Variants in RIMBP2 observed in about 807,000 individuals in gnomAD.
RIMBP2 encodes the protein RIMS-binding protein 2.
RIMBP2 carries 48 observed loss-of-function variants against 118.6 expected under a neutral mutation model. That is an observed-to-expected ratio of 0.40 (90% CI 0.32 to 0.51). RIMBP2 has a LOEUF of 0.51. Among genes scored for constraint, RIMBP2 ranks in the 20% least tolerant of loss-of-function variants. The probability of loss-of-function intolerance (pLI) is 0.41; values close to 1 mark genes in which losing one functional copy is unlikely to be tolerated. For missense variants in RIMBP2, 1,551 were observed against 1,768.3 expected, an observed-to-expected ratio of 0.88 and a Z score of 2.20; for synonymous variants, 762 against 742.9, an observed-to-expected ratio of 1.03 and a Z score of -0.42.
intron 4 of RIMBP2, among the ~76,000 whole-genome samples, chr12:130,496,649 AGCT>A (rs67687210): frequency 0.08 from 12,207 of 152,094 alleles, 692 homozygotes; most frequent in East Asian, 0.2. Flanking sequence ...GGCCCCCAGC[AGCT>A]ATGGCGCTGG....
chr12:130,636,969 G>A (rs989213693), intron 1 of RIMBP2, among the ~76,000 whole-genome samples: 2 of 152,128 alleles, frequency 1.3e-5, no homozygotes, highest in Admixed American at 6.5e-5. Context: ...GTGTCTTGTC[G>A]CCTTGTTCTG....
Position 130,468,027 on chromosome 12 carries a change from T to C in RIMBP2, c.153+2666A>G, listed in dbSNP as rs754283722. On this transcript the variant is annotated intron_variant, in intron 6 of 22. Coordinates refer to ENST00000690449, the MANE Select transcript of RIMBP2 (RefSeq NM_001393629.1). ...CATGGAAGCAGGCTGCCCAGTGGAA[T>C]GTTCTGTCTACAGAAAGTCACGAAT... Among the ~76,000 whole-genome samples, 11 of 152,316 alleles carry C rather than the reference T, an allele frequency of 7.2e-5. No individual in the cohort carries two copies. The South Asian group carries it at 1.2e-3, about 17-fold the overall frequency.
intron 2 of RIMBP2, among the ~76,000 whole-genome samples, chr12:130,612,076 G>A (rs1388755196): frequency 6.6e-6 from 1 of 152,186 alleles, no homozygotes; most frequent in Non-Finnish European, 1.5e-5. Context: ...GTCTTCCAGA[G>A]ACAGTGTGCC....
At chr12:130,714,477 G>A (rs1204520489) in intron 1 of RIMBP2, among the ~76,000 whole-genome samples, 5 of 152,170 alleles carry the variant, frequency 3.3e-5, no homozygotes, top group African/African-American at 9.7e-5. Context: ...TGCCTCCTGC[G>A]TGGGGGGCGG....
intron 3 of RIMBP2, among the ~76,000 whole-genome samples, chr12:130,514,072 C>G: frequency 6.6e-6 from 1 of 152,222 alleles, no homozygotes; most frequent in Non-Finnish European, 1.5e-5. Flanking sequence ...TGGGGACTGC[C>G]ACTCCCTCAA....
At chr12:130,604,818 G>A (rs946203719) in intron 2 of RIMBP2, among the ~76,000 whole-genome samples, 4 of 141,086 alleles carry the variant, frequency 2.8e-5, no homozygotes, top group Non-Finnish European at 4.6e-5. Context: ...TCCTGACCTC[G>A]TGACCCGCCC....
At chr12:130,535,712 CATATACATATATATACATAT>C (rs1199978647) in intron 2 of RIMBP2, among the ~76,000 whole-genome samples, 5 of 99,176 alleles carry the variant, frequency 5.0e-5, no homozygotes, top group African/African-American at 1.0e-4. Context: ...TACACATATA[CATATACATATATATACATAT>C]ATATACATAT....
At position 130,490,531 on chromosome 12, in the gene RIMBP2, A is replaced by C. The variant is rs1463645967; in HGVS notation, c.-3-11515T>G. On this transcript the variant is annotated intron_variant, in intron 4 of 22. Coordinates refer to ENST00000690449, the MANE Select transcript of RIMBP2 (RefSeq NM_001393629.1). ...TTAATGAATCAGCAGCAGAAGTATA[A>C]ATCGGGGTACAGGGAGATGGGGGTG... Among the ~76,000 whole-genome samples, 3 of 152,278 alleles carry C rather than the reference A, an allele frequency of 2.0e-5. No homozygotes were observed. In the East Asian group the frequency reaches 5.8e-4, roughly 29 times the overall value.
rs1439794764 is a variant in RIMBP2, at chr12:130,688,953, C to T, written c.-352+27269G>A. Reference sequence around the variant, plus strand: ...TCGGTCGCAGGCAGCAGAGAACTGCCCAGTGTGCGCCGATATCCTCTGTCC... The same window carrying T: ...TCGGTCGCAGGCAGCAGAGAACTGCTCAGTGTGCGCCGATATCCTCTGTCC... On this transcript the variant is annotated intron_variant, in intron 1 of 22. Coordinates refer to ENST00000690449, the MANE Select transcript of RIMBP2 (RefSeq NM_001393629.1). The surrounding 1 kb of genome is among the most constrained non-coding windows in gnomAD (Gnocchi z 4.7). Among the ~76,000 whole-genome samples, 1 of 152,258 alleles carries T rather than the reference C, an allele frequency of 6.6e-6. No individual in the cohort carries two copies. Among genetic ancestry groups the T allele is most frequent in the Non-Finnish European group, 1.5e-5 (1 of 68,046 alleles).
chr12:130,691,163 C>T (rs578183192), intron 1 of RIMBP2, among the ~76,000 whole-genome samples: 61 of 152,336 alleles, frequency 4.0e-4, no homozygotes, highest in Non-Finnish European at 6.5e-4. Context: ...GCTCAAGCCT[C>T]TCCAGTGCCC....
At chr12:130,642,395 C>G (rs750023376) in intron 1 of RIMBP2, among the ~76,000 whole-genome samples, 3 of 152,190 alleles carry the variant, frequency 2.0e-5, no homozygotes, top group African/African-American at 4.8e-5. Context: ...AGGAATTCTC[C>G]TGCCTCAGCC....
rs1032267936 is a variant in RIMBP2, at chr12:130,439,759, CTGTG to C, written c.1505-1247_1505-1244del. On this transcript the variant is annotated intron_variant, in intron 11 of 22. Coordinates refer to ENST00000690449, the MANE Select transcript of RIMBP2 (RefSeq NM_001393629.1). ...TGTGTATGTGGGTCTGTGGGGGTGT[CTGTG>C]TGTGTGTGTATGTGGGTATGTGTAT... Among the ~76,000 whole-genome samples the C allele has an allele frequency of 3.0e-4, 28 of 93,956 alleles. No individual in the cohort carries two copies. The South Asian group carries it at 7.2e-3, about 24-fold the overall frequency. 61.6% of individuals were successfully genotyped at this position (93,956 alleles called of 152,430 possible).
chr12:130,662,285 G>A (rs1362627995), intron 1 of RIMBP2, among the ~76,000 whole-genome samples: 7 of 152,108 alleles, frequency 4.6e-5, no homozygotes, highest in South Asian at 2.1e-4. Flanking sequence ...TTCGAGTCTC[G>A]CGTCTCCTCC....
chr12:130,500,719 G>T (rs1029053397), intron 4 of RIMBP2, among the ~76,000 whole-genome samples: 2 of 152,088 alleles, frequency 1.3e-5, no homozygotes, highest in East Asian at 3.9e-4. Flanking sequence ...AACACAGGAC[G>T]GGCAGTCTTA....
intron 1 of RIMBP2, among the ~76,000 whole-genome samples, chr12:130,657,056 A>T (rs528173030): frequency 3.3e-5 from 5 of 152,134 alleles, no homozygotes; most frequent in Non-Finnish European, 7.4e-5. Flanking sequence ...CACCATGCCT[A>T]CTATTTTTTT....
intron 2 of RIMBP2, among the ~76,000 whole-genome samples, chr12:130,577,931 A>G (rs2058203312): frequency 6.6e-6 from 1 of 152,230 alleles, no homozygotes; most frequent in African/African-American, 2.4e-5. Flanking sequence ...TATGCCGATT[A>G]GCTTGATAGT....
rs968358366 is a variant in RIMBP2, at chr12:130,447,583, C to T, written c.582-2314G>A. On this transcript the variant is annotated intron_variant, in intron 9 of 22. Transcript: ENST00000690449. The surrounding 1 kb of genome is among the most constrained non-coding windows in gnomAD (Gnocchi z 4.4). ...CTGATGGGAATGGGTTCTTGAGGGG[C>T]GATGGGAGACCCCCACATGTGGCCG... 3.9e-5 allele frequency among the ~76,000 whole-genome samples: 6 copies of T among 152,054 alleles called. No individual in the cohort carries two copies. Among genetic ancestry groups the T allele is most frequent in the Admixed American group, 6.6e-5 (1 of 15,262 alleles).
intron 1 of RIMBP2, among the ~76,000 whole-genome samples, chr12:130,659,300 G>A (rs991698900): frequency 6.6e-6 from 1 of 152,104 alleles, no homozygotes; most frequent in African/African-American, 2.4e-5. Flanking sequence ...GGCCGGGTGC[G>A]GTGGCTTATG....
intron 1 of RIMBP2, among the ~76,000 whole-genome samples, chr12:130,704,467 T>C (rs1274424115): frequency 6.6e-6 from 1 of 151,928 alleles, no homozygotes; most frequent in African/African-American, 2.4e-5. Flanking sequence ...CCCAGCTACT[T>C]TGGAGGCTGA....
Sources: gnomAD v4.1 joint callset for allele counts (sites outside exome capture counted in the v4.1 genomes callset) on GRCh38, gnomAD v4.1.1 for gene constraint, Gnocchi (gnomAD v3.1) non-coding constraint, MANE v1.5 for transcripts, NCBI Gene and HGNC (gene_info 2026-07-23, HGNC 2026-07-21) for gene names.